CHCHD3: variants seen among roughly 807,000 people sequenced by gnomAD.
CHCHD3 encodes the protein coiled-coil-helix-coiled-coil-helix domain containing 3.
In CHCHD3, 20 loss-of-function variants were observed where a neutral mutation model predicts 38.2. The observed-to-expected ratio is 0.52, with a 90% CI of 0.37 to 0.76. The LOEUF is 0.76. Ranked by LOEUF, CHCHD3 falls within the 30% of genes least tolerant of loss-of-function variation. The pLI is 0.00. For synonymous variants in CHCHD3, 82 were observed against 100.0 expected (o/e 0.82, Z 1.07); for missense variants, 245 against 279.2 (o/e 0.88, Z 0.87).
intron 6 of CHCHD3, among the ~76,000 whole-genome samples, chr7:132,797,491 T>C (rs1806649086): frequency 6.6e-6 from 1 of 152,222 alleles, no homozygotes; most frequent in Admixed American, 6.5e-5. Context: ...CACCATAGTC[T>C]AATACAATTT....
intron 4 of CHCHD3, among the ~76,000 whole-genome samples, chr7:132,921,253 A>C (rs1038507746): frequency 6.6e-6 from 1 of 152,214 alleles, no homozygotes; most frequent in Non-Finnish European, 1.5e-5. Flanking sequence ...GTTAAACTAC[A>C]CTCATAATGA....
intron 5 of CHCHD3, among the ~76,000 whole-genome samples, chr7:132,873,743 T>C (rs989261831): frequency 6.7e-6 from 1 of 149,590 alleles, no homozygotes; most frequent in Non-Finnish European, 1.5e-5. Flanking sequence ...TTAAAGATTG[T>C]GGATAAAATT....
intron 4 of CHCHD3, among the ~76,000 whole-genome samples, chr7:132,967,967 T>C (rs1793161433): frequency 6.6e-6 from 1 of 152,202 alleles, no homozygotes; most frequent in South Asian, 2.1e-4. Context: ...ATCGCAGTCC[T>C]ATTCATTCTT....
chr7:132,898,752 C>T (rs1000759702), intron 4 of CHCHD3, among the ~76,000 whole-genome samples: 1 of 151,394 alleles, frequency 6.6e-6, no homozygotes, highest in South Asian at 2.1e-4. Flanking sequence ...CCTTGCCCCA[C>T]GGGAAGGCAG....
intron 5 of CHCHD3, among the ~76,000 whole-genome samples, chr7:132,842,321 CTCT>C (rs1490958602): frequency 1.3e-5 from 2 of 152,126 alleles, no homozygotes; most frequent in Non-Finnish European, 2.9e-5. Flanking sequence ...CAAACATACT[CTCT>C]TCATTTTTAT....
intron 5 of CHCHD3, among the ~76,000 whole-genome samples, chr7:132,874,121 A>G (rs1808835638): frequency 6.6e-6 from 1 of 152,176 alleles, no homozygotes; most frequent in Non-Finnish European, 1.5e-5. Context: ...GCTAAGTGCC[A>G]AGTACTGGTC....
At chr7:132,953,439 C>T (rs1182900279) in intron 4 of CHCHD3, among the ~76,000 whole-genome samples, 1 of 152,102 alleles carries the variant, frequency 6.6e-6, no homozygotes, top group Non-Finnish European at 1.5e-5. Flanking sequence ...CAGATCTGAC[C>T]TTAGGTTGAC....
intron 3 of CHCHD3, among the ~76,000 whole-genome samples, chr7:132,978,079 G>GT (rs1811818978): frequency 1.3e-5 from 2 of 152,060 alleles, no homozygotes; most frequent in South Asian, 4.1e-4. Context: ...ATGAAATAGT[G>GT]TAATACCTAC....
At chr7:132,849,987 A>G (rs1808173585) in intron 5 of CHCHD3, among the ~76,000 whole-genome samples, 2 of 152,202 alleles carry the variant, frequency 1.3e-5, no homozygotes, top group South Asian at 4.1e-4. Flanking sequence ...TATTTTTATG[A>G]TAGACAGGGT....
rs78036865 is a variant in CHCHD3, at chr7:133,024,300, G to A, written c.251+246C>T. Among the ~76,000 whole-genome samples, 1,405 of 152,202 alleles carry A rather than the reference G, an allele frequency of 9.2e-3. 22 individuals carry two copies. The highest frequency in any genetic ancestry group is 0.032 in the African/African-American group (1,323 of 41,528). ...TCCTTCTCACATATTGAGAAAACACGGCTCAATATTCAAGCAACCAATACA... is the reference window on the plus strand; with the variant it reads ...TCCTTCTCACATATTGAGAAAACACAGCTCAATATTCAAGCAACCAATACA... On this transcript the variant is annotated intron_variant, in intron 3 of 7. Coordinates refer to ENST00000262570, the MANE Select transcript of CHCHD3 (RefSeq NM_017812.4).
chr7:133,035,665 C>A lies in CHCHD3; in HGVS notation c.170-11038G>T. The A allele has an allele frequency of 2.5e-6, 4 of 1,612,242 alleles. No individual in the cohort carries two copies. The highest frequency in any genetic ancestry group is 3.4e-6 in the Non-Finnish European group (4 of 1,178,878). ...TGGGCTGCTGCCTCTGGAGTACTTC[C>A]CCGCAGCTCCTCATTGCTCACATAG... On this transcript the variant is annotated intron_variant, in intron 2 of 7. Coordinates refer to ENST00000262570, the MANE Select transcript of CHCHD3 (RefSeq NM_017812.4). The surrounding 1 kb of genome is among the most constrained non-coding windows in gnomAD (Gnocchi z 4.7).
At chr7:132,789,325 C>T (rs1179219755) in intron 7 of CHCHD3, among the ~76,000 whole-genome samples, 2 of 152,174 alleles carry the variant, frequency 1.3e-5, no homozygotes, top group East Asian at 1.9e-4. Flanking sequence ...TCATCATTCA[C>T]GTATCTGGGC....
At chr7:132,970,461 CAT>C (rs1811586210) in intron 4 of CHCHD3, among the ~76,000 whole-genome samples, 1 of 152,182 alleles carries the variant, frequency 6.6e-6, no homozygotes, top group Non-Finnish European at 1.5e-5. Flanking sequence ...TAAATGCAAA[CAT>C]AGCAATTAGT....
chr7:132,834,719 C>T (rs1224009029), intron 6 of CHCHD3, among the ~76,000 whole-genome samples: 1 of 152,108 alleles, frequency 6.6e-6, no homozygotes, highest in African/African-American at 2.4e-5. Flanking sequence ...TGCAAAGCTT[C>T]CAATGTCCTT....
chr7:132,995,523 A>C (rs1279842688), intron 3 of CHCHD3, among the ~76,000 whole-genome samples: 2 of 152,240 alleles, frequency 1.3e-5, no homozygotes, highest in African/African-American at 2.4e-5. Flanking sequence ...TTCAAGAAGA[A>C]TTACCATTCA....
intron 4 of CHCHD3, among the ~76,000 whole-genome samples, chr7:132,957,348 A>G (rs1811204039): frequency 6.6e-6 from 1 of 152,198 alleles, no homozygotes; most frequent in South Asian, 2.1e-4. Context: ...GGAAAGTAGG[A>G]GCTAGGGCCC....
chr7:132,938,902 G>C (rs1044948140), intron 4 of CHCHD3, among the ~76,000 whole-genome samples: 1 of 152,284 alleles, frequency 6.6e-6, no homozygotes, highest in South Asian at 2.1e-4. Context: ...GGGAGCAGGG[G>C]ACACTTGGTA....
At chr7:132,973,431 T>A in intron 4 of CHCHD3, 1 of 985,598 alleles carries the variant, frequency 1.0e-6, no homozygotes, top group South Asian at 4.7e-5. Flanking sequence ...AGCTTAGACG[T>A]ACAACAAATT....
intron 4 of CHCHD3, among the ~76,000 whole-genome samples, chr7:132,914,275 GAC>G (rs1810046476): frequency 6.6e-6 from 1 of 151,966 alleles, no homozygotes; most frequent in Non-Finnish European, 1.5e-5. Context: ...GGCATGAGCC[GAC>G]ACACCCGGCC....
Sources: allele counts gnomAD v4.1 joint callset (sites outside exome capture counted in the v4.1 genomes callset), GRCh38; gene constraint gnomAD v4.1.1; non-coding constraint Gnocchi (gnomAD v3.1); transcripts MANE v1.5; gene names NCBI Gene and HGNC (gene_info 2026-07-23, HGNC 2026-07-21).